Variants in NAPB observed in about 807,000 individuals in gnomAD.
NAPB encodes beta-soluble NSF attachment protein.
A neutral mutation model predicts 44.7 loss-of-function variants in NAPB; 26 were observed. The observed-to-expected ratio is 0.58, with a 90% CI of 0.43 to 0.81. NAPB has a LOEUF of 0.81. NAPB is among the 30% of genes least tolerant of loss of function. The pLI, the probability that NAPB is intolerant of heterozygous loss-of-function variation, is 0.00. For synonymous variants in NAPB, 120 were observed against 116.8 expected (o/e 1.03, Z -0.18); for missense variants, 315 against 356.4 (o/e 0.88, Z 0.94).
chr20:23,403,124 C>A lies in NAPB; in HGVS notation c.99-52G>T, dbSNP rs116121553. 2.4e-3 allele frequency: 3,119 copies of A among 1,282,842 alleles called. 57 individuals carry two copies. In the African/African-American group the frequency reaches 0.041, roughly 17 times the overall value. The allele number at this position is 1,282,842 out of a possible 1,614,324, so 79.5% of individuals were successfully genotyped here. On this transcript the variant is annotated intron_variant, in intron 1 of 10. Transcript: ENST00000377026. ...TTAACAACCATCCACATCTCTAATT[C>A]TCCCTCCCTCAAATGATTAACATTT...
intron 7 of NAPB, among the ~76,000 whole-genome samples, chr20:23,387,400 A>G (rs1983609247): frequency 6.6e-5 from 10 of 152,330 alleles, no homozygotes; most frequent in Admixed American, 5.9e-4. Flanking sequence ...AGGGCAACCG[A>G]GAAAATGAAG....
intron 7 of NAPB, among the ~76,000 whole-genome samples, chr20:23,382,750 GAAC>G (rs772978833): frequency 1.4e-4 from 22 of 152,184 alleles, no homozygotes; most frequent in Non-Finnish European, 2.1e-4. Flanking sequence ...ACAACAACAG[GAAC>G]AACAGAGAGA....
At chr20:23,406,196 A>G (rs945145348) in intron 1 of NAPB, among the ~76,000 whole-genome samples, 11 of 152,196 alleles carry the variant, frequency 7.2e-5, no homozygotes, top group Non-Finnish European at 1.2e-4. Flanking sequence ...TGTGAGAAAT[A>G]CATTTCTGTT....
intron 1 of NAPB, among the ~76,000 whole-genome samples, chr20:23,412,030 C>T (rs530978216): frequency 6.6e-6 from 1 of 152,236 alleles, no homozygotes; most frequent in Non-Finnish European, 1.5e-5. Context: ...GTATACCAAA[C>T]AAATCAAGCA....
In NAPB at chr20:23,397,127, G is replaced by A. The variant is rs139916100; in HGVS notation, c.240C>T (p.Asp80=). ...KLHMQLQSKH[D]SATSFVDAGN... is the part of the protein sequence containing the mutation. Reference sequence around the variant, plus strand: ...CAGCATCCACAAAGCTGGTAGCAGAGTCATGTTTGCTCTGAAGCTGCATGT... The same window carrying A: ...CAGCATCCACAAAGCTGGTAGCAGAATCATGTTTGCTCTGAAGCTGCATGT... The change falls in exon 3 of 11, where the codon GAC becomes GAT. Residue 80 remains aspartate, a synonymous_variant. Transcript: ENST00000377026. The A allele has an allele frequency of 7.4e-6, 12 of 1,613,838 alleles. No homozygotes were observed. Among genetic ancestry groups the A allele is most frequent in the Non-Finnish European group, 1.0e-5 (12 of 1,179,756 alleles).
chr20:23,385,364 G>C (rs116076430), intron 7 of NAPB, among the ~76,000 whole-genome samples: 145 of 152,308 alleles, frequency 9.5e-4, no homozygotes, highest in African/African-American at 3.1e-3. Flanking sequence ...GAGCTGCAAA[G>C]TATGTGACGC....
At chr20:23,411,376 A>G (rs1390910215) in intron 1 of NAPB, among the ~76,000 whole-genome samples, 1 of 152,224 alleles carries the variant, frequency 6.6e-6, no homozygotes, top group Non-Finnish European at 1.5e-5. Flanking sequence ...ATACGGAGCA[A>G]AACAACAGTG....
At chr20:23,417,506 T>C (rs185062688) in intron 1 of NAPB, among the ~76,000 whole-genome samples, 60 of 152,318 alleles carry the variant, frequency 3.9e-4, no homozygotes, top group African/African-American at 1.3e-3. Flanking sequence ...AAAACTATCT[T>C]AATGTCAGAC....
chr20:23,387,466 C>T (rs1233523868), intron 7 of NAPB, among the ~76,000 whole-genome samples: 1 of 151,890 alleles, frequency 6.6e-6, no homozygotes, highest in African/African-American at 2.4e-5. Context: ...TTGCAGATAA[C>T]ATGATTTTGG....
chr20:23,418,920 C>T (rs1207629283), intron 1 of NAPB, among the ~76,000 whole-genome samples: 3 of 152,098 alleles, frequency 2.0e-5, no homozygotes. Context: ...GCAATCCAGC[C>T]CGGGTGACAG....
intron 7 of NAPB, among the ~76,000 whole-genome samples, chr20:23,386,382 C>A (rs539482462): frequency 2.1e-4 from 32 of 152,290 alleles, no homozygotes; most frequent in African/African-American, 5.8e-4. Flanking sequence ...GAGGAATTCA[C>A]ACCAATCCTT....
intron 9 of NAPB, 84 bp downstream of exon 9, chr20:23,379,783 A>T: frequency 1.6e-5 from 16 of 993,096 alleles, no homozygotes; most frequent in Non-Finnish European, 2.2e-5. Flanking sequence ...ATAGATTAAA[A>T]CTTCACTTCA....
At chr20:23,392,145 G>A (rs1293753058) in intron 5 of NAPB, among the ~76,000 whole-genome samples, 9 of 152,150 alleles carry the variant, frequency 5.9e-5, no homozygotes, top group East Asian at 3.9e-4. Flanking sequence ...GATGGTGAGC[G>A]GAACAGTCAT....
At chr20:23,410,527 A>G (rs1318413182) in intron 1 of NAPB, among the ~76,000 whole-genome samples, 2 of 152,226 alleles carry the variant, frequency 1.3e-5, no homozygotes, top group Admixed American at 6.5e-5. Context: ...AACCGTAGAC[A>G]CTGGGGACAC....
At chr20:23,401,516 A>G (rs1382688547) in intron 2 of NAPB, among the ~76,000 whole-genome samples, 1 of 152,190 alleles carries the variant, frequency 6.6e-6, no homozygotes, top group African/African-American at 2.4e-5. Flanking sequence ...TTAGTTACAT[A>G]CATGATCAGT....
intron 5 of NAPB, among the ~76,000 whole-genome samples, chr20:23,390,862 T>G (rs1235652823): frequency 6.6e-6 from 1 of 152,186 alleles, no homozygotes; most frequent in Non-Finnish European, 1.5e-5. Flanking sequence ...CTACACACAC[T>G]AATACCTTAA....
At chr20:23,420,070 A>G (rs931046422) in intron 1 of NAPB, among the ~76,000 whole-genome samples, 1 of 152,204 alleles carries the variant, frequency 6.6e-6, no homozygotes, top group African/African-American at 2.4e-5. Flanking sequence ...GGTAACAGCA[A>G]AGGATCTTTC....
chr20:23,412,989 C>T (rs1985762935), intron 1 of NAPB, among the ~76,000 whole-genome samples: 1 of 151,860 alleles, frequency 6.6e-6, no homozygotes, highest in Admixed American at 6.6e-5. Context: ...GACTCTGTCT[C>T]CAAAAAAATA....
chr20:23,391,387 G>T (rs1387955685), intron 5 of NAPB, among the ~76,000 whole-genome samples: 1 of 152,192 alleles, frequency 6.6e-6, no homozygotes, highest in Non-Finnish European at 1.5e-5. Context: ...AGAGTCAGAT[G>T]ATAGTGTGTG....
Sources: allele counts gnomAD v4.1 joint callset (sites outside exome capture counted in the v4.1 genomes callset), GRCh38; gene constraint gnomAD v4.1.1; transcripts MANE v1.5; gene names NCBI Gene and HGNC (gene_info 2026-07-23, HGNC 2026-07-21).